Variants in MAPK8 observed in about 807,000 individuals in gnomAD.
The protein encoded by MAPK8 is mitogen-activated protein kinase 8, also known as JUN N-terminal kinase.
In MAPK8, 13 loss-of-function variants were observed where a neutral mutation model predicts 52.9. The observed-to-expected ratio is 0.25, with a 90% CI of 0.16 to 0.39. MAPK8 has a LOEUF of 0.39. MAPK8 is among the 10% of genes least tolerant of loss of function. The pLI is 1.00. For synonymous variants in MAPK8, 191 were observed against 169.8 expected (o/e 1.12, Z -0.97); for missense variants, 300 against 519.2 (o/e 0.58, Z 4.10).
At chr10:48,417,600 CAG>C (rs2043133212) in intron 5 of MAPK8, among the ~76,000 whole-genome samples, 1 of 152,122 alleles carries the variant, frequency 6.6e-6, no homozygotes, top group Non-Finnish European at 1.5e-5. Flanking sequence ...AAGCATACAC[CAG>C]AGACATCCTT....
At chr10:48,426,851 G>A (rs537787825) in intron 9 of MAPK8, 13 of 489,660 alleles carry the variant, frequency 2.7e-5, no homozygotes, top group Non-Finnish European at 4.4e-5. Flanking sequence ...ATAAAATGTG[G>A]CAATTTCAAG....
At chr10:48,409,251 T>C (rs558268355) in intron 3 of MAPK8, among the ~76,000 whole-genome samples, 1 of 152,308 alleles carries the variant, frequency 6.6e-6, no homozygotes, top group East Asian at 1.9e-4. Context: ...TATGAGTATT[T>C]ATTATGGTGC....
Position 48,410,048 on chromosome 10 carries a change from C to T in MAPK8, c.330C>T (p.Leu110=), listed in dbSNP as rs1207622943. 1.2e-6 allele frequency: 2 copies of T among 1,602,186 alleles called. No individual in the cohort carries two copies. Among genetic ancestry groups the T allele is most frequent in the African/African-American group, 1.3e-5 (1 of 74,364 alleles). ...EFQDVYIVME[L]MDANLCQVIQ... ...CATAAAGTTACATAGTCATGGAGCT[C>T]ATGGATGCAAATCTTTGCCAAGTGA... The change falls in exon 5 of 12, where the codon CTC becomes CTT. Residue 110 remains leucine, a synonymous_variant. Transcript: ENST00000374189.
chr10:48,312,649 T>C (rs1842082670), intron 1 of MAPK8, among the ~76,000 whole-genome samples: 1 of 152,226 alleles, frequency 6.6e-6, no homozygotes, highest in African/African-American at 2.4e-5. Context: ...GATTTTCAGA[T>C]GCCATTGGGT....
intron 1 of MAPK8, among the ~76,000 whole-genome samples, chr10:48,327,391 T>G (rs957252301): frequency 1.3e-5 from 2 of 152,228 alleles, no homozygotes; most frequent in Non-Finnish European, 2.9e-5. Flanking sequence ...TAGGGTTACA[T>G]TAGTAGATTT....
intron 1 of MAPK8, among the ~76,000 whole-genome samples, chr10:48,313,391 C>T (rs1166156412): frequency 4.2e-5 from 6 of 143,166 alleles, no homozygotes; most frequent in Non-Finnish European, 9.1e-5. Flanking sequence ...TGAGATCGTG[C>T]CACTACACTC....
In MAPK8 at chr10:48,345,505, A is replaced by G. The variant is rs117917514; in HGVS notation, c.-50+38684A>G. Reference sequence around the variant, plus strand: ...CCAAGATCTAATTCTGTTCACACACACACACCTTTGCCTATCAAGCCTAAC... The same window carrying G: ...CCAAGATCTAATTCTGTTCACACACGCACACCTTTGCCTATCAAGCCTAAC... On this transcript the variant is annotated intron_variant, in intron 1 of 11. Transcript: ENST00000374189. Among the ~76,000 whole-genome samples, 453 of 152,328 alleles carry G rather than the reference A, an allele frequency of 3.0e-3. 4 individuals carry two copies. Among genetic ancestry groups the G allele is most frequent in the Non-Finnish European group, 4.6e-3 (315 of 68,028 alleles).
chr10:48,320,159 C>T (rs528984841), intron 1 of MAPK8, among the ~76,000 whole-genome samples: 1 of 147,764 alleles, frequency 6.8e-6, no homozygotes, highest in African/African-American at 2.5e-5. Flanking sequence ...CAGGTGATCC[C>T]CCACCTTGGC....
At chr10:48,407,914 C>T (rs1164835852) in intron 3 of MAPK8, among the ~76,000 whole-genome samples, 1 of 152,142 alleles carries the variant, frequency 6.6e-6, no homozygotes, top group Non-Finnish European at 1.5e-5. Flanking sequence ...TTGTCCAAGT[C>T]TCCTATTGTG....
intron 1 of MAPK8, among the ~76,000 whole-genome samples, chr10:48,339,248 A>G (rs980493943): frequency 5.3e-5 from 8 of 152,184 alleles, no homozygotes; most frequent in Non-Finnish European, 1.2e-4. Context: ...ACATACATCA[A>G]TGGAACAAAA....
intron 1 of MAPK8, among the ~76,000 whole-genome samples, chr10:48,369,662 G>A (rs1450768315): frequency 6.6e-6 from 1 of 152,140 alleles, no homozygotes; most frequent in East Asian, 1.9e-4. Context: ...AGACAGCCAT[G>A]AAGAGAATCT....
At chr10:48,354,766 T>C (rs887132472) in intron 1 of MAPK8, among the ~76,000 whole-genome samples, 4 of 151,858 alleles carry the variant, frequency 2.6e-5, no homozygotes, top group African/African-American at 9.7e-5. Context: ...TAATTTGCAG[T>C]GCGAATTTAA....
At chr10:48,419,407 A>G (rs982507872) in intron 5 of MAPK8, among the ~76,000 whole-genome samples, 12 of 152,220 alleles carry the variant, frequency 7.9e-5, no homozygotes, top group Non-Finnish European at 1.2e-4. Flanking sequence ...TATGTTAAAC[A>G]TGAAGCCATG....
intron 5 of MAPK8, among the ~76,000 whole-genome samples, chr10:48,411,955 C>T (rs1255768589): frequency 6.6e-6 from 1 of 151,714 alleles, no homozygotes; most frequent in Non-Finnish European, 1.5e-5. Flanking sequence ...AACAATTCTC[C>T]TGCCGCAGCC....
chr10:48,362,086 G>T (rs371643468), intron 1 of MAPK8, among the ~76,000 whole-genome samples: 2 of 152,046 alleles, frequency 1.3e-5, no homozygotes, highest in Non-Finnish European at 2.9e-5. Flanking sequence ...TAAATTCATC[G>T]TACCTTTTTC....
intron 1 of MAPK8, among the ~76,000 whole-genome samples, chr10:48,379,505 T>C (rs932257353): frequency 3.3e-5 from 5 of 152,164 alleles, no homozygotes; most frequent in African/African-American, 1.2e-4. Flanking sequence ...TCACAAATAG[T>C]TCCCAAATTC....
At chr10:48,339,037 C>G (rs553888275) in intron 1 of MAPK8, among the ~76,000 whole-genome samples, 3 of 152,160 alleles carry the variant, frequency 2.0e-5, no homozygotes, top group Admixed American at 2.0e-4. Context: ...CAATATAATT[C>G]CTATCAAATT....
At chr10:48,311,945 T>C (rs1842020407) in intron 1 of MAPK8, among the ~76,000 whole-genome samples, 1 of 152,216 alleles carries the variant, frequency 6.6e-6, no homozygotes, top group Non-Finnish European at 1.5e-5. Flanking sequence ...CCAAAGGAAA[T>C]AGAAGTCAGT....
intron 1 of MAPK8, among the ~76,000 whole-genome samples, chr10:48,308,456 T>C (rs1283448850): frequency 2.0e-5 from 3 of 152,254 alleles, no homozygotes; most frequent in Non-Finnish European, 4.4e-5. Flanking sequence ...TCTGTTATGA[T>C]GACATGGGCT....
Sources: gnomAD v4.1 joint callset for allele counts (sites outside exome capture counted in the v4.1 genomes callset) on GRCh38, gnomAD v4.1.1 for gene constraint, MANE v1.5 for transcripts, NCBI Gene and HGNC (gene_info 2026-07-23, HGNC 2026-07-21) for gene names.